Variants in FARP1 observed in about 807,000 individuals in gnomAD.
The protein encoded by FARP1 is FERM, ARHGEF and pleckstrin domain-containing protein 1.
A neutral mutation model predicts 128.8 loss-of-function variants in FARP1; 52 were observed. That is an observed-to-expected ratio of 0.40 (90% CI 0.32 to 0.51). FARP1 has a LOEUF of 0.51. FARP1 is among the 20% of genes least tolerant of loss of function. FARP1 has a pLI of 0.45. For synonymous variants in FARP1, 580 were observed against 551.8 expected (o/e 1.05, Z -0.72); for missense variants, 1,333 against 1,367.9 (o/e 0.97, Z 0.40).
Position 98,446,711 on chromosome 13 carries a change from A to G in FARP1, c.2950A>G (p.Thr984Ala). The G allele has an allele frequency of 6.2e-7, 1 of 1,614,122 alleles. No homozygotes were observed. The part of the protein sequence containing the change: ...ASLPLLGYSL[T>A]IPSESENIQK... ...CCTGCCTCTGCTCGGCTACTCGCTC[A>G]CCATCCCCTCTGAGTCCGAGAACAT... Residue 984 changes from threonine (T) to alanine (A), a missense_variant, in exon 26 of 27, where the codon ACC (threonine) becomes GCC (alanine). By Grantham distance (58) the Thr-to-Ala change is moderately conservative. This residue lies in a region of FARP1 where 1,009 missense variants were observed against 969.8 expected (regional missense o/e 1.04). Coordinates refer to ENST00000319562, the MANE Select transcript of FARP1 (RefSeq NM_005766.4).
chr13:98,338,799 T>C (rs1887844921), intron 2 of FARP1: 1 of 152,128 alleles, frequency 6.6e-6, no homozygotes, highest in East Asian at 1.9e-4. Context: ...ACCTTCAGAG[T>C]GAAGTTCAAA....
At chr13:98,197,422 C>T (rs561703209) in intron 1 of FARP1, among the ~76,000 whole-genome samples, 18 of 151,710 alleles carry the variant, frequency 1.2e-4, no homozygotes, top group East Asian at 4.0e-4. Context: ...GCTGAGATCG[C>T]GCCATTGCAC....
rs869304302 is a variant in FARP1, at chr13:98,417,455, GAAAAA to G, written c.1826+5446_1826+5450del. Among the ~76,000 whole-genome samples the G allele has an allele frequency of 6.8e-4, 40 of 58,476 alleles. 1 individual carries two copies. The highest frequency in any genetic ancestry group is 2.0e-3 in the African/African-American group (35 of 17,468). 38.4% of individuals were successfully genotyped at this position (58,476 alleles called of 152,430 possible). On this transcript the variant is annotated intron_variant, in intron 16 of 26. Transcript: ENST00000319562. ...AGGAAACAGAGGCCACCAGAGGTTT[GAAAAA>G]AAAAAAAAAAAAAAAAAAAAAAAAG...
At chr13:98,173,849 C>G (rs1319254027) in intron 1 of FARP1, among the ~76,000 whole-genome samples, 1 of 152,232 alleles carries the variant, frequency 6.6e-6, no homozygotes, top group Non-Finnish European at 1.5e-5. Flanking sequence ...CTGCTCTTCA[C>G]TTCCCCAGCA....
rs112466444 is a variant in FARP1 at position 98,209,136 on chromosome 13, G to C, written c.-23-4084G>C. ...CCATTCTCCTGCCTCAGCCTCCCGAGTAGCTGGGACTATAGGCGCCCACCA... is the reference window on the plus strand; with the variant it reads ...CCATTCTCCTGCCTCAGCCTCCCGACTAGCTGGGACTATAGGCGCCCACCA... On this transcript the variant is annotated intron_variant, in intron 1 of 26. Transcript: ENST00000319562. 1.2e-3 allele frequency among the ~76,000 whole-genome samples: 190 copies of C among 152,266 alleles called. 2 individuals are homozygous for C. The highest frequency in any genetic ancestry group is 4.3e-3 in the African/African-American group (178 of 41,566).
At chr13:98,377,563 C>T (rs1856509545) in intron 5 of FARP1, among the ~76,000 whole-genome samples, 1 of 152,130 alleles carries the variant, frequency 6.6e-6, no homozygotes, top group African/African-American at 2.4e-5. Context: ...AGGTTATGGT[C>T]TCACATTTTT....
chr13:98,424,780 C>T (rs1594520633), intron 17 of FARP1, 130 bp downstream of exon 17: 1 of 690,930 alleles, frequency 1.4e-6, no homozygotes, highest in Non-Finnish European at 2.6e-6. Flanking sequence ...CCAAGCTTGT[C>T]CAACCCACCG....
At chr13:98,305,453 C>A (rs1477448542) in intron 2 of FARP1, among the ~76,000 whole-genome samples, 1 of 152,128 alleles carries the variant, frequency 6.6e-6, no homozygotes, top group Non-Finnish European at 1.5e-5. Flanking sequence ...CCTGCCTCAG[C>A]CTCCCGAATA....
intron 16 of FARP1, among the ~76,000 whole-genome samples, chr13:98,418,180 G>A (rs759804548): frequency 2.0e-5 from 3 of 152,186 alleles, no homozygotes; most frequent in Non-Finnish European, 4.4e-5. Context: ...TTTTCAAGGT[G>A]CTAGGATTAT....
chr13:98,185,925 T>C (rs1280435178), intron 1 of FARP1, among the ~76,000 whole-genome samples: 2 of 152,152 alleles, frequency 1.3e-5, no homozygotes, highest in Non-Finnish European at 2.9e-5. Flanking sequence ...CTCGAACTCC[T>C]GACCTCAGGT....
intron 2 of FARP1, among the ~76,000 whole-genome samples, chr13:98,292,200 T>C (rs1412069486): frequency 3.9e-5 from 6 of 152,342 alleles, no homozygotes; most frequent in Non-Finnish European, 8.8e-5. Context: ...AAAGTACCCA[T>C]TTATTTTACA....
chr13:98,345,904 A>G (rs1004004518), intron 3 of FARP1, among the ~76,000 whole-genome samples: 1 of 152,246 alleles, frequency 6.6e-6, no homozygotes, highest in Non-Finnish European at 1.5e-5. Context: ...TAGTCGGCCA[A>G]CGCATGCTCT....
chr13:98,289,698 T>G (rs1179000583), intron 2 of FARP1, among the ~76,000 whole-genome samples: 1 of 152,186 alleles, frequency 6.6e-6, no homozygotes. Context: ...GACTGTGCAC[T>G]GCATGCTATT....
At chr13:98,162,004 A>G (rs948468974) in intron 1 of FARP1, among the ~76,000 whole-genome samples, 14 of 151,934 alleles carry the variant, frequency 9.2e-5, no homozygotes, top group East Asian at 2.0e-4. Flanking sequence ...GCTGGTCTCA[A>G]AATGACCTCA....
In FARP1 at chr13:98,311,241, A is replaced by C. The variant is rs529017682; in HGVS notation, c.172-32521A>C. On this transcript the variant is annotated intron_variant, in intron 2 of 26. Transcript: ENST00000319562. Reference sequence around the variant, plus strand: ...TCAGGAAGTTATCCTCATTTTGCACATGGGAAACTGAAGCCCAAAATGATC... The same window carrying C: ...TCAGGAAGTTATCCTCATTTTGCACCTGGGAAACTGAAGCCCAAAATGATC... Among the ~76,000 whole-genome samples, 11 of 152,314 alleles carry C rather than the reference A, an allele frequency of 7.2e-5. 1 individual carries two copies. The South Asian group carries it at 2.3e-3, about 32-fold the overall frequency.
intron 1 of FARP1, among the ~76,000 whole-genome samples, chr13:98,206,423 T>A (rs1880272157): frequency 6.6e-6 from 1 of 152,196 alleles, no homozygotes; most frequent in Admixed American, 6.5e-5. Flanking sequence ...CCTGTCCCTG[T>A]TATTCCAAGA....
intron 16 of FARP1, among the ~76,000 whole-genome samples, chr13:98,412,497 GCA>G (rs1566301846): frequency 6.6e-6 from 1 of 152,116 alleles, no homozygotes; most frequent in Non-Finnish European, 1.5e-5. Flanking sequence ...GTGTGCATGC[GCA>G]CACACACACT....
chr13:98,259,018 G>C (rs1883745083), intron 2 of FARP1, among the ~76,000 whole-genome samples: 2 of 152,060 alleles, frequency 1.3e-5, no homozygotes, highest in African/African-American at 4.8e-5. Context: ...GACCAGGCTG[G>C]GCAACATAGT....
chr13:98,317,307 T>C (rs1886763152), intron 2 of FARP1, among the ~76,000 whole-genome samples: 1 of 152,146 alleles, frequency 6.6e-6, no homozygotes. Flanking sequence ...TCACCCAGGC[T>C]GGGGTGCAGT....
Sources: gnomAD v4.1 joint callset for allele counts (sites outside exome capture counted in the v4.1 genomes callset) on GRCh38, gnomAD v4.1.1 for gene constraint, gnomAD v4.1.1 regional missense constraint, MANE v1.5 for transcripts, NCBI Gene and HGNC (gene_info 2026-07-23, HGNC 2026-07-21) for gene names.